The following FHOD3 variants were observed in gnomAD, a reference collection of about 807,000 sequenced individuals.
The protein encoded by FHOD3 is FH1/FH2 domain-containing protein 3.
Under a neutral mutation model 173.0 loss-of-function variants are expected in FHOD3, and 90 were observed. The observed-to-expected ratio is 0.52, with a 90% confidence interval of 0.44 to 0.62. The LOEUF (loss-of-function observed/expected upper bound fraction) is 0.62. FHOD3 is among the 20% of genes least tolerant of loss of function. The pLI is 0.00. For missense variants in FHOD3, 1,945 were observed against 2,034.7 expected (o/e 0.96, Z 0.85); for synonymous variants, 828 against 823.0 (o/e 1.01, Z -0.10).
rs1464862970 is a variant in FHOD3 at position 36,779,896 on chromosome 18, G to A, written c.*366G>A. On this transcript the variant is annotated 3_prime_UTR_variant, in exon 29 of 29. Coordinates refer to ENST00000590592, the MANE Select transcript of FHOD3 (RefSeq NM_001281740.3). ...CAATCTGATTAGCTTCACAGACTGA[G>A]TCTCCACAACACCAAAATATCCAGA... 1 of 428,392 alleles carries A rather than the reference G, an allele frequency of 2.3e-6. No individual in the cohort carries two copies. Among genetic ancestry groups the A allele is most frequent in the African/African-American group, 2.0e-5 (1 of 49,876 alleles). The allele number at this position is 428,392 out of a possible 1,614,324, so 26.5% of individuals were successfully genotyped here.
At chr18:36,456,010 G>A (rs1195321549) in intron 3 of FHOD3, among the ~76,000 whole-genome samples, 1 of 152,090 alleles carries the variant, frequency 6.6e-6, no homozygotes, top group Non-Finnish European at 1.5e-5. Context: ...ACCCCGAGTT[G>A]TGCACCTCAA....
At chr18:36,546,750 G>A (rs574549448) in intron 5 of FHOD3, among the ~76,000 whole-genome samples, 42 of 152,268 alleles carry the variant, frequency 2.8e-4, no homozygotes, top group Admixed American at 1.2e-3. Context: ...TCATGCATTT[G>A]GAGTGATGTT....
intron 3 of FHOD3, among the ~76,000 whole-genome samples, chr18:36,478,486 A>G (rs1326198072): frequency 7.4e-6 from 1 of 135,836 alleles, no homozygotes; most frequent in Non-Finnish European, 1.6e-5. Context: ...TTGTTGTGCT[A>G]TCAAATACTA....
At chr18:36,772,930 G>A (rs978664044) in intron 28 of FHOD3, among the ~76,000 whole-genome samples, 5 of 152,214 alleles carry the variant, frequency 3.3e-5, no homozygotes, top group African/African-American at 7.2e-5. Context: ...TAAAGACAGC[G>A]GAGGGTACCT....
intron 28 of FHOD3, among the ~76,000 whole-genome samples, chr18:36,777,337 G>T (rs533449469): frequency 6.6e-6 from 1 of 151,936 alleles, no homozygotes; most frequent in Admixed American, 6.6e-5. Context: ...GAGTAGCTGG[G>T]ACTACAGATG....
At chr18:36,336,360 A>G (rs1171301467) in intron 1 of FHOD3, among the ~76,000 whole-genome samples, 1 of 152,172 alleles carries the variant, frequency 6.6e-6, no homozygotes, top group Admixed American at 6.5e-5. Flanking sequence ...GACATTTTAA[A>G]AGCCATCATT....
intron 1 of FHOD3, among the ~76,000 whole-genome samples, chr18:36,355,212 G>A (rs1260577459): frequency 1.3e-5 from 2 of 152,060 alleles, no homozygotes; most frequent in Non-Finnish European, 2.9e-5. Context: ...TCGTGATCTC[G>A]ATTTCCACTC....
intron 5 of FHOD3, among the ~76,000 whole-genome samples, chr18:36,575,693 A>G (rs1469012413): frequency 6.6e-6 from 1 of 152,218 alleles, no homozygotes; most frequent in South Asian, 2.1e-4. Flanking sequence ...CCTTTAGGGC[A>G]TGTAACTTCT....
intron 3 of FHOD3, among the ~76,000 whole-genome samples, chr18:36,394,122 A>T (rs2048436900): frequency 6.6e-6 from 1 of 152,168 alleles, no homozygotes; most frequent in South Asian, 2.1e-4. Context: ...GTATGGGAGT[A>T]GGGGAGTGAG....
At chr18:36,410,606 A>G (rs1415577201) in intron 3 of FHOD3, among the ~76,000 whole-genome samples, 1 of 152,086 alleles carries the variant, frequency 6.6e-6, no homozygotes, top group African/African-American at 2.4e-5. Context: ...TCACATTCCC[A>G]CTGGTAATGT....
chr18:36,542,940 A>C (rs529450089), intron 5 of FHOD3, among the ~76,000 whole-genome samples: 1 of 152,358 alleles, frequency 6.6e-6, no homozygotes, highest in South Asian at 2.1e-4. Flanking sequence ...GTGGTCAAAC[A>C]TTATTCCAAA....
chr18:36,758,702 G>A (rs140897890), intron 25 of FHOD3, among the ~76,000 whole-genome samples: 14 of 152,314 alleles, frequency 9.2e-5, no homozygotes, highest in African/African-American at 2.9e-4. Flanking sequence ...CCACTTAGAG[G>A]GGCCTTGATG....
At chr18:36,609,462 C>A (rs979151793) in intron 8 of FHOD3, among the ~76,000 whole-genome samples, 3 of 152,156 alleles carry the variant, frequency 2.0e-5, no homozygotes, top group Non-Finnish European at 4.4e-5. Context: ...CATCATTTCC[C>A]CCGCAGCCTG....
chr18:36,628,366 C>T (rs1285865039), intron 10 of FHOD3, among the ~76,000 whole-genome samples: 2 of 152,190 alleles, frequency 1.3e-5, no homozygotes, highest in Non-Finnish European at 2.9e-5. Flanking sequence ...CACTCCTAAA[C>T]ATATTCTTCA....
intron 1 of FHOD3, among the ~76,000 whole-genome samples, chr18:36,309,713 G>A (rs962991037): frequency 6.6e-6 from 1 of 152,222 alleles, no homozygotes; most frequent in Non-Finnish European, 1.5e-5. Flanking sequence ...CTGGGAGCAG[G>A]GAAAGGAGAG....
rs557086993 is a variant in FHOD3 at position 36,517,002 on chromosome 18, A to C, written c.511+4459A>C. Among the ~76,000 whole-genome samples, 10 of 148,760 alleles carry C rather than the reference A, an allele frequency of 6.7e-5. No homozygotes were observed. The East Asian group carries it at 2.0e-3, about 29-fold the overall frequency. ...CCCCCTCTCAGCATTTTTTTTTTTTAAGGCCCAGGAATCCGCTGCTTTCCT... is the reference window on the plus strand; with the variant it reads ...CCCCCTCTCAGCATTTTTTTTTTTTCAGGCCCAGGAATCCGCTGCTTTCCT... On this transcript the variant is annotated intron_variant, in intron 5 of 28. Coordinates refer to ENST00000590592, the MANE Select transcript of FHOD3 (RefSeq NM_001281740.3).
intron 3 of FHOD3, among the ~76,000 whole-genome samples, chr18:36,399,069 C>T (rs566213009): frequency 1.3e-5 from 2 of 152,168 alleles, no homozygotes; most frequent in Admixed American, 6.5e-5. Context: ...AGTTTGGGTA[C>T]CTTGTATCTG....
chr18:36,520,697 G>A (rs1400536663), intron 5 of FHOD3, among the ~76,000 whole-genome samples: 1 of 152,234 alleles, frequency 6.6e-6, no homozygotes, highest in Non-Finnish European at 1.5e-5. Flanking sequence ...GTCTTGGCCA[G>A]AGAGATTTCT....
intron 3 of FHOD3, among the ~76,000 whole-genome samples, chr18:36,415,287 A>G (rs958600296): frequency 1.3e-5 from 2 of 152,202 alleles, no homozygotes; most frequent in African/African-American, 4.8e-5. Flanking sequence ...TTGTTCAATC[A>G]TATTTCACAT....
Sources: allele counts gnomAD v4.1 joint callset (sites outside exome capture counted in the v4.1 genomes callset), GRCh38; gene constraint gnomAD v4.1.1; transcripts MANE v1.5; gene names NCBI Gene and HGNC (gene_info 2026-07-23, HGNC 2026-07-21).